Variants in CBLN2 observed in about 807,000 individuals in gnomAD.
CBLN2 encodes the protein cerebellin 2 precursor.
In CBLN2, 7 loss-of-function variants were observed where a neutral mutation model predicts 15.0. The ratio of observed to expected loss-of-function variants is 0.47; its 90% CI spans 0.27 to 0.88. The LOEUF (loss-of-function observed/expected upper bound fraction) is 0.88, where lower values mean the gene tolerates loss of function less well. CBLN2 is among the 40% of genes least tolerant of loss of function. The pLI is 0.14. For missense variants in CBLN2, 242 were observed against 304.5 expected (o/e 0.79, Z 1.53); for synonymous variants, 149 against 135.2 (o/e 1.10, Z -0.71).
At chr18:72,575,294 G>A (rs529224258) in intron 1 of CBLN2, among the ~76,000 whole-genome samples, 24 of 152,236 alleles carry the variant, frequency 1.6e-4, no homozygotes, top group African/African-American at 5.3e-4. Context: ...AAGATCATCA[G>A]AAGAGAGGAT....
At chr18:72,580,800 C>T (rs1412978154) in intron 1 of CBLN2, among the ~76,000 whole-genome samples, 1 of 152,100 alleles carries the variant, frequency 6.6e-6, no homozygotes, top group Non-Finnish European at 1.5e-5. Flanking sequence ...TATGAACATT[C>T]ACATTATATC....
chr18:72,608,737 A>G (rs2069601202), intron 1 of CBLN2, among the ~76,000 whole-genome samples: 1 of 152,184 alleles, frequency 6.6e-6, no homozygotes, highest in Admixed American at 6.5e-5. Context: ...GGGGCAGTAT[A>G]TTAGTCTGTT....
chr18:72,545,066 C>A (rs1208559494), upstream of CBLN2, among the ~76,000 whole-genome samples: 1 of 152,116 alleles, frequency 6.6e-6, no homozygotes, highest in African/African-American at 2.4e-5. Context: ...TCACACCGAA[C>A]CCTCTCCCCT....
At chr18:72,615,960 C>T (rs2069658703) in intron 1 of CBLN2, among the ~76,000 whole-genome samples, 1 of 152,080 alleles carries the variant, frequency 6.6e-6, no homozygotes, top group African/African-American at 2.4e-5. Context: ...ATGAATTAAC[C>T]TTCAATTCTA....
intron 1 of CBLN2, among the ~76,000 whole-genome samples, chr18:72,624,406 G>T (rs1210752070): frequency 6.6e-6 from 1 of 152,004 alleles, no homozygotes; most frequent in Non-Finnish European, 1.5e-5. Context: ...TTGGGAAGCC[G>T]AGGCGGGCGG....
intron 1 of CBLN2, among the ~76,000 whole-genome samples, chr18:72,605,299 C>A (rs115384233): frequency 1.9e-3 from 285 of 152,272 alleles, no homozygotes; most frequent in African/African-American, 6.6e-3. Flanking sequence ...ACATGCTCTT[C>A]ACTTTTACTT....
Position 72,553,739 on chromosome 18 carries a change from G to A in CBLN2, c.16-14967C>T, listed in dbSNP as rs146565966. Among the ~76,000 whole-genome samples the A allele has an allele frequency of 2.2e-3, 328 of 152,248 alleles. 3 individuals carry two copies. Among genetic ancestry groups the A allele is most frequent in the African/African-American group, 7.0e-3 (292 of 41,526 alleles). The stretch of plus-strand genomic sequence containing the variant: ...TCCTGGTCATAGAATGGGGGAAACC[G>A]TGGAGCAATGAAAAGAGGACAGGGT... On this transcript the variant is annotated intron_variant, in intron 1 of 2. Transcript: ENST00000581073.
At chr18:72,569,064 T>G (rs1205159702) in intron 1 of CBLN2, among the ~76,000 whole-genome samples, 1 of 152,234 alleles carries the variant, frequency 6.6e-6, no homozygotes, top group African/African-American at 2.4e-5. Flanking sequence ...TGTTGAAACT[T>G]CTTTTGGAAA....
chr18:72,601,323 AG>A (rs975752243), intron 1 of CBLN2, among the ~76,000 whole-genome samples: 9 of 152,152 alleles, frequency 5.9e-5, no homozygotes, highest in African/African-American at 1.9e-4. Context: ...AATTTTGCAA[AG>A]GTGATTTCAA....
At chr18:72,555,641 T>C (rs2144886912) in intron 1 of CBLN2, among the ~76,000 whole-genome samples, 1 of 152,354 alleles carries the variant, frequency 6.6e-6, no homozygotes, top group Non-Finnish European at 1.5e-5. Flanking sequence ...TAAAATGTAC[T>C]TTATGTTCAA....
At chr18:72,542,727 A>G (rs1038535970) in intron 2 of CBLN2, among the ~76,000 whole-genome samples, 6 of 152,020 alleles carry the variant, frequency 3.9e-5, no homozygotes, top group Non-Finnish European at 8.8e-5. Context: ...ATTTCCTTGG[A>G]GCAGCACCAA....
intron 1 of CBLN2, among the ~76,000 whole-genome samples, chr18:72,556,787 C>A (rs941184694): frequency 6.6e-6 from 1 of 151,762 alleles, no homozygotes; most frequent in Non-Finnish European, 1.5e-5. Context: ...AGATTCTCAG[C>A]GTATTATGAT....
intron 1 of CBLN2, among the ~76,000 whole-genome samples, chr18:72,635,529 G>A (rs1201673968): frequency 6.6e-6 from 1 of 151,818 alleles, no homozygotes; most frequent in Non-Finnish European, 1.5e-5. Context: ...TATTTCCTTA[G>A]GTCAACTGAC....
rs17086178 is a variant in CBLN2, at chr18:72,572,546, C to A, written c.16-33774G>T. 2.7e-3 allele frequency among the ~76,000 whole-genome samples: 406 copies of A among 152,224 alleles called. 6 individuals are homozygous for A. The East Asian group carries it at 0.039, about 15-fold the overall frequency. On this transcript the variant is annotated intron_variant, in intron 1 of 2. Coordinates refer to the CBLN2 transcript ENST00000581073. Reference sequence around the variant, plus strand: ...GAATGATTGTCAAATTTGTCCATGGCAGTAATCAACAAATTGATTTTAACT... The same window carrying A: ...GAATGATTGTCAAATTTGTCCATGGAAGTAATCAACAAATTGATTTTAACT...
At chr18:72,601,748 T>G (rs1427378898) in intron 1 of CBLN2, among the ~76,000 whole-genome samples, 1 of 152,130 alleles carries the variant, frequency 6.6e-6, no homozygotes, top group Non-Finnish European at 1.5e-5. Flanking sequence ...AGGCCTCTCC[T>G]GCCTGGGCCT....
intron 1 of CBLN2, among the ~76,000 whole-genome samples, chr18:72,595,011 T>C (rs1311818191): frequency 2.0e-5 from 3 of 151,946 alleles, no homozygotes; most frequent in Non-Finnish European, 4.4e-5. Flanking sequence ...TGTGTTTTTT[T>C]TTTCAATTTA....
Position 72,543,194 on chromosome 18 carries a change from TC to T in CBLN2, c.-167+291del. 1 of 295,024 alleles carries T rather than the reference TC, an allele frequency of 3.4e-6. No homozygotes were observed. Among genetic ancestry groups the T allele is most frequent in the South Asian group, 1.6e-4 (1 of 6,092 alleles). 18.3% of individuals were successfully genotyped at this position (295,024 alleles called of 1,614,324 possible). ...CGCGCCCGTCTGCACTTTTGCCCCGTCCCCGCTCCTCCCAGGAAAGCAGACA... is the reference window on the plus strand; with the variant it reads ...CGCGCCCGTCTGCACTTTTGCCCCGTCCCGCTCCTCCCAGGAAAGCAGACA... On this transcript the variant is annotated intron_variant, in intron 2 of 4. Transcript: ENST00000269503. The surrounding 1 kb of genome is among the most constrained non-coding windows in gnomAD (Gnocchi z 6.8).
intron 1 of CBLN2, among the ~76,000 whole-genome samples, chr18:72,563,076 G>A (rs2069272021): frequency 6.6e-6 from 1 of 152,158 alleles, no homozygotes; most frequent in South Asian, 2.1e-4. Context: ...TTTAGATACA[G>A]ACATAGACAT....
intron 1 of CBLN2, among the ~76,000 whole-genome samples, chr18:72,574,540 G>T (rs1228829872): frequency 6.6e-6 from 1 of 152,154 alleles, no homozygotes; most frequent in Non-Finnish European, 1.5e-5. Context: ...GTGTATGTGA[G>T]AGGTGATGGA....
Sources: allele counts gnomAD v4.1 joint callset (sites outside exome capture counted in the v4.1 genomes callset), GRCh38; gene constraint gnomAD v4.1.1; non-coding constraint Gnocchi (gnomAD v3.1); transcripts MANE v1.5; gene names NCBI Gene and HGNC (gene_info 2026-07-23, HGNC 2026-07-21).